Variants in SYNPR observed in about 807,000 individuals in gnomAD.
SYNPR encodes synaptoporin.
A neutral mutation model predicts 32.9 loss-of-function variants in SYNPR; 23 were observed. That is an observed-to-expected ratio of 0.70 (90% confidence interval 0.50 to 0.99). The LOEUF (loss-of-function observed/expected upper bound fraction) is 0.99. Among genes scored for constraint, SYNPR ranks in the 50% least tolerant of loss-of-function variants. The pLI is 0.00. For synonymous variants in SYNPR, 146 were observed against 135.9 expected, an observed-to-expected ratio of 1.07 and a Z score of -0.52; for missense variants, 318 against 349.3, an observed-to-expected ratio of 0.91 and a Z score of 0.71.
intron 3 of SYNPR, among the ~76,000 whole-genome samples, chr3:63,515,705 C>A (rs180722773): frequency 4.4e-4 from 67 of 151,950 alleles, no homozygotes; most frequent in Non-Finnish European, 6.3e-4. Flanking sequence ...ATTACTAAAC[C>A]AACACAAAAT....
At chr3:63,452,121 A>G in intron 2 of SYNPR, 1 of 702,046 alleles carries the variant, frequency 1.4e-6, no homozygotes, top group Non-Finnish European at 2.6e-6. Context: ...AAAAGGCAAG[A>G]ATGTTTTCTT....
rs1225622893 is a variant in SYNPR, at chr3:63,616,218, T to C, written c.*737T>C. 2 of 152,242 alleles carry C rather than the reference T, an allele frequency of 1.3e-5. No individual in the cohort carries two copies. The highest frequency in any genetic ancestry group is 1.5e-5 in the Non-Finnish European group (1 of 68,038). 9.4% of individuals were successfully genotyped at this position (152,242 alleles called of 1,614,324 possible). ...TTCTTTTCCCCCATTAGTAAACATT[T>C]AGTGCTACATATGATAACTGCCCAA... On this transcript the variant is annotated 3_prime_UTR_variant, in exon 6 of 6. Coordinates refer to ENST00000478300, the MANE Select transcript of SYNPR (RefSeq NM_001130003.2).
chr3:63,202,486 C>T, the SYNPR span, among the ~76,000 whole-genome samples: 1 of 152,116 alleles, frequency 6.6e-6, no homozygotes, highest in Admixed American at 6.6e-5. Context: ...CAGCAGTTAT[C>T]CCTCAGTGGG....
At chr3:63,585,708 ATC>A (rs1175603899) in intron 4 of SYNPR, among the ~76,000 whole-genome samples, 1 of 152,062 alleles carries the variant, frequency 6.6e-6, no homozygotes, top group East Asian at 1.9e-4. Flanking sequence ...AAATAATAAT[ATC>A]TGTCATTTAT....
intron 2 of SYNPR, among the ~76,000 whole-genome samples, chr3:63,374,684 T>A (rs1298777977): frequency 1.3e-5 from 2 of 152,224 alleles, no homozygotes; most frequent in Admixed American, 6.5e-5. Flanking sequence ...TCCAGTTACA[T>A]ACATATGATA....
intron 2 of SYNPR, among the ~76,000 whole-genome samples, chr3:63,426,534 C>G (rs892060987): frequency 2.6e-5 from 4 of 152,070 alleles, no homozygotes; most frequent in Non-Finnish European, 5.9e-5. Context: ...TATGCAGGCA[C>G]GTATAGGGTG....
At chr3:63,265,643 A>T (rs2086479983) in intron 2 of SYNPR, among the ~76,000 whole-genome samples, 1 of 152,224 alleles carries the variant, frequency 6.6e-6, no homozygotes, top group Non-Finnish European at 1.5e-5. Context: ...CTTTAGCTTT[A>T]AGAAACAATA....
At chr3:63,484,902 T>C (rs545049130) in intron 3 of SYNPR, among the ~76,000 whole-genome samples, 2 of 152,254 alleles carry the variant, frequency 1.3e-5, no homozygotes, top group East Asian at 1.9e-4. Context: ...CTTTTTTCCC[T>C]GATTATAGAA....
At chr3:63,493,632 A>G (rs975193237) in intron 3 of SYNPR, among the ~76,000 whole-genome samples, 2 of 151,890 alleles carry the variant, frequency 1.3e-5, no homozygotes, top group Admixed American at 1.3e-4. Flanking sequence ...CCTGGCCAAC[A>G]TGGTGAAACC....
chr3:63,330,711 G>A (rs1394830961), intron 2 of SYNPR, among the ~76,000 whole-genome samples: 2 of 151,934 alleles, frequency 1.3e-5, no homozygotes, highest in South Asian at 2.1e-4. Context: ...CTATAAAAGA[G>A]GAATTATTAT....
intron 4 of SYNPR, among the ~76,000 whole-genome samples, chr3:63,580,451 C>T (rs1703071135): frequency 6.6e-6 from 1 of 152,130 alleles, no homozygotes; most frequent in South Asian, 2.1e-4. Context: ...AGAGATAATA[C>T]CAACAAAAGC....
At chr3:63,359,012 T>C (rs565072886) in intron 2 of SYNPR, among the ~76,000 whole-genome samples, 1 of 152,340 alleles carries the variant, frequency 6.6e-6, no homozygotes, top group Admixed American at 6.5e-5. Flanking sequence ...AGTCTTCCAT[T>C]ATTTTTTAAT....
chr3:63,520,344 A>G (rs1575689097), intron 3 of SYNPR, among the ~76,000 whole-genome samples: 2 of 152,054 alleles, frequency 1.3e-5, no homozygotes, highest in African/African-American at 2.4e-5. Context: ...TATAACTTAT[A>G]CCCCAGCAGC....
intron 2 of SYNPR, among the ~76,000 whole-genome samples, chr3:63,375,174 G>A (rs1423004879): frequency 6.6e-6 from 1 of 152,090 alleles, no homozygotes; most frequent in Non-Finnish European, 1.5e-5. Context: ...GATTCCTCAA[G>A]GATCTAGAAC....
In SYNPR at chr3:63,323,754, G is replaced by C. The variant is rs1048616921; in HGVS notation, c.84+45012G>C. Among the ~76,000 whole-genome samples, 4 of 152,180 alleles carry C rather than the reference G, an allele frequency of 2.6e-5. No individual in the cohort carries two copies. In the East Asian group the frequency reaches 5.8e-4, roughly 22 times the overall value. ...AAAATTTAAAATGTACATTCAAAGA[G>C]AGTATATTAAAATAAGGTGATAATA... is the stretch of plus-strand genomic sequence containing the variant. On this transcript the variant is annotated intron_variant, in intron 2 of 5. Coordinates refer to ENST00000478300, the MANE Select transcript of SYNPR (RefSeq NM_001130003.2).
intron 2 of SYNPR, among the ~76,000 whole-genome samples, chr3:63,333,948 A>G (rs1328318142): frequency 6.6e-6 from 1 of 152,248 alleles, no homozygotes; most frequent in East Asian, 1.9e-4. Flanking sequence ...AACTGTATTA[A>G]GAATGAAAAG....
At chr3:63,201,621 G>A in the SYNPR span, among the ~76,000 whole-genome samples, 1 of 152,016 alleles carries the variant, frequency 6.6e-6, no homozygotes, top group Non-Finnish European at 1.5e-5. Context: ...TTGATGGAAG[G>A]GAAGGAGATA....
intron 2 of SYNPR, among the ~76,000 whole-genome samples, chr3:63,429,675 A>G (rs962368664): frequency 3.3e-4 from 50 of 152,252 alleles, no homozygotes; most frequent in African/African-American, 1.1e-3. Context: ...ACATTTTAAC[A>G]GTTTTTTGAC....
intron 2 of SYNPR, among the ~76,000 whole-genome samples, chr3:63,446,603 G>A (rs535610715): frequency 1.3e-5 from 2 of 152,280 alleles, no homozygotes; most frequent in South Asian, 4.1e-4. Flanking sequence ...ATGAGAAGCA[G>A]GGCATTCTAG....
Sources: allele counts gnomAD v4.1 joint callset (sites outside exome capture counted in the v4.1 genomes callset), GRCh38; gene constraint gnomAD v4.1.1; transcripts MANE v1.5; gene names NCBI Gene and HGNC (gene_info 2026-07-23, HGNC 2026-07-21).